The following ZDHHC16 variants were observed in gnomAD, a reference collection of about 807,000 sequenced individuals.
ZDHHC16 encodes the protein palmitoyltransferase ZDHHC16.
Under a neutral mutation model 54.4 loss-of-function variants are expected in ZDHHC16, and 33 were observed. That is an observed-to-expected ratio of 0.61 (90% CI 0.46 to 0.81). The LOEUF is 0.81. ZDHHC16 is among the 30% of genes least tolerant of loss of function. ZDHHC16 has a pLI of 0.00. For missense variants in ZDHHC16, 420 were observed against 485.9 expected, an observed-to-expected ratio of 0.86 and a Z score of 1.28; for synonymous variants, 185 against 182.1, an observed-to-expected ratio of 1.02 and a Z score of -0.13.
Position 97,449,861 on chromosome 10 carries a change from C to CTTTTTTTTTTTTTT in ZDHHC16, c.-185-488_-185-475dup, listed in dbSNP as rs35173837. On this transcript the variant is annotated intron_variant, in intron 1 of 11. Coordinates refer to ENST00000393760, the MANE Select transcript of ZDHHC16 (RefSeq NM_198046.3). ...TCTCTTTTCTACACTCCCCTTAATT[C>CTTTTTTTTTTTTTT]TTTTTTTTTTTTTTTTTTTTTGAGA... 3.1e-4 allele frequency among the ~76,000 whole-genome samples: 25 copies of CTTTTTTTTTTTTTT among 81,532 alleles called. 1 individual carries two copies. Among genetic ancestry groups the CTTTTTTTTTTTTTT allele is most frequent in the African/African-American group, 1.0e-3 (17 of 17,026 alleles). 53.5% of individuals were successfully genotyped at this position (81,532 alleles called of 152,430 possible).
In ZDHHC16 at chr10:97,446,209, C is replaced by A. The variant is rs372008770; in HGVS notation, c.-330C>A. On this transcript the variant is annotated 5_prime_UTR_variant, in exon 1 of 12. Coordinates refer to ENST00000393760, the MANE Select transcript of ZDHHC16 (RefSeq NM_198046.3). ...GATGGGCTGGCGGCGGGTCCGGGTCCGCTGCCTGGCGCTGCGGGCGGCGGG... is the reference window on the plus strand; with the variant it reads ...GATGGGCTGGCGGCGGGTCCGGGTCAGCTGCCTGGCGCTGCGGGCGGCGGG... 17 of 635,740 alleles carry A rather than the reference C, an allele frequency of 2.7e-5. No individual in the cohort carries two copies. The highest frequency in any genetic ancestry group is 5.7e-5 in the Admixed American group (2 of 34,788). 39.4% of individuals were successfully genotyped at this position (635,740 alleles called of 1,614,324 possible). A position where few individuals can be genotyped will look rare whatever the true frequency, so the allele number is the denominator to read the frequency against.
At chr10:97,446,539 G>A (rs549529722) in intron 1 of ZDHHC16, among the ~76,000 whole-genome samples, 186 bp downstream of exon 1, 110 of 152,344 alleles carry the variant, frequency 7.2e-4, no homozygotes, top group Middle Eastern at 6.8e-3. Flanking sequence ...AGGGAAGGAG[G>A]TCAAGCGACC....
At chr10:97,454,018 A>G (rs1482957343) in intron 8 of ZDHHC16, among the ~76,000 whole-genome samples, 172 bp downstream of exon 8, 1 of 152,230 alleles carries the variant, frequency 6.6e-6, no homozygotes, top group Non-Finnish European at 1.5e-5. Context: ...TAAGTGGCCT[A>G]CAGGCAAGCT....
chr10:97,456,118 A>G (rs1847160534), intron 11 of ZDHHC16, 74 bp downstream of exon 11: 1 of 1,491,640 alleles, frequency 6.7e-7, no homozygotes, highest in Admixed American at 1.7e-5. Flanking sequence ...GCCTGTGAGC[A>G]CTTGGAATAT....
At chr10:97,451,545 G>T in intron 2 of ZDHHC16, 126 bp from the exon 3 acceptor site, 1 of 1,332,068 alleles carries the variant, frequency 7.5e-7, no homozygotes. Flanking sequence ...TCTCACAGTT[G>T]GTGACTGGCC....
rs1317923866 is a variant in ZDHHC16, at chr10:97,446,303, G to A, written c.-236G>A. 9 of 486,626 alleles carry A rather than the reference G, an allele frequency of 1.8e-5. No individual in the cohort carries two copies. The highest frequency in any genetic ancestry group is 2.6e-5 in the Non-Finnish European group (7 of 269,580). 30.1% of individuals were successfully genotyped at this position (486,626 alleles called of 1,614,324 possible). ...TCGGAGGGGGTGGCAGTGAGCGGCG[G>A]CAGAGGCTACGGGGCTCGGTTTGGC... On this transcript the variant is annotated 5_prime_UTR_variant, in exon 1 of 12. Transcript: ENST00000393760.
chr10:97,454,233 C>T (rs962980739), intron 8 of ZDHHC16, among the ~76,000 whole-genome samples: 1 of 152,106 alleles, frequency 6.6e-6, no homozygotes. Context: ...TCATCCCTGC[C>T]CCCCCAGTAC....
At chr10:97,453,712 G>A (rs148820234) in intron 7 of ZDHHC16, 49 bp downstream of exon 7, 62 of 1,614,160 alleles carry the variant, frequency 3.8e-5, no homozygotes, top group Middle Eastern at 1.6e-4. Context: ...ACTTCGGGAT[G>A]TAGAACCTGT....
At chr10:97,451,633 G>T in intron 2 of ZDHHC16, 38 bp from the exon 3 acceptor site, 1 of 1,573,138 alleles carries the variant, frequency 6.4e-7, no homozygotes, top group Non-Finnish European at 8.6e-7. Flanking sequence ...AGGGAGGGAG[G>T]GCTCAGACTA....
intron 5 of ZDHHC16, 83 bp from the exon 6 acceptor site, chr10:97,452,812 T>TGCA: frequency 6.3e-7 from 1 of 1,585,742 alleles, no homozygotes; most frequent in Non-Finnish European, 8.7e-7. Flanking sequence ...CTCAGCAGGA[T>TGCA]GCTGGTCCTT....
intron 1 of ZDHHC16, among the ~76,000 whole-genome samples, chr10:97,449,807 G>A (rs1846431127): frequency 6.6e-6 from 1 of 151,754 alleles, no homozygotes; most frequent in Admixed American, 6.6e-5. Context: ...TGGGAGTACA[G>A]GCGTGAGCCA....
chr10:97,451,154 T>C (rs7095266), intron 2 of ZDHHC16: 146,853 of 155,450 alleles, frequency 0.94, 69,551 homozygotes, highest in Non-Finnish European at 0.98. Flanking sequence ...GTACTCATTC[T>C]TCCATTGGCT....
chr10:97,452,780 T>TCC, intron 5 of ZDHHC16, 115 bp from the exon 6 acceptor site: 1 of 1,433,052 alleles, frequency 7.0e-7, no homozygotes. Flanking sequence ...CTGGCTGTCT[T>TCC]CAAAGTCTGT....
chr10:97,454,749 TC>T lies in ZDHHC16; in HGVS notation c.775del (p.Arg259GlufsTer4). On this transcript the variant is annotated frameshift_variant, in exon 9 of 12. Transcript: ENST00000393760. LOFTEE classifies it high-confidence loss of function. ...AGACCCCACCACCCACCTTCTCCTT[TC>T]GAGAAAGGATGACTCACAAGAGTCT... is the stretch of plus-strand genomic sequence containing the variant. ...HQTPPPTFSF[R>X]ERMTHKSLVY... 1 of 1,614,192 alleles carries T rather than the reference TC, an allele frequency of 6.2e-7. No homozygotes were observed. The highest frequency in any genetic ancestry group is 8.5e-7 in the Non-Finnish European group (1 of 1,180,024).
chr10:97,453,672 A>T lies in ZDHHC16; in HGVS notation c.690+9A>T, dbSNP rs1183668936. On this transcript the variant is annotated intron_variant, in intron 7 of 11. Coordinates refer to ENST00000393760, the MANE Select transcript of ZDHHC16 (RefSeq NM_198046.3). ...CTTATGCTGCCATTGAGGTGAGCTC[A>T]TCAGGAACAGGGCAGCTCAGTAGTG... 6.2e-7 allele frequency: 1 copy of T among 1,614,206 alleles called. No homozygotes were observed. Among genetic ancestry groups the T allele is most frequent in the South Asian group, 1.1e-5 (1 of 91,086 alleles).
chr10:97,452,473 C>T lies in ZDHHC16; in HGVS notation c.497C>T (p.Ala166Val). Reference protein sequence around the residue: ...ICKKCIYPKPARTHHCSICNR... With the variant: ...ICKKCIYPKPVRTHHCSICNR... ...AAGAAGTGCATTTACCCCAAGCCAG[C>T]CCGAACACACCACTGCAGCATCTGC... is the stretch of plus-strand genomic sequence containing the variant. Residue 166 changes from alanine to valine, a missense_variant, in exon 5 of 12, where the codon GCC becomes GTC. By Grantham distance (64) the Ala-to-Val change is moderately conservative. Transcript: ENST00000393760. The T allele has an allele frequency of 1.9e-6, 3 of 1,614,222 alleles. No homozygotes were observed. The highest frequency in any genetic ancestry group is 2.5e-6 in the Non-Finnish European group (3 of 1,180,028).
Position 97,456,797 on chromosome 10 carries a change from T to C in ZDHHC16, c.1040T>C (p.Leu347Pro), listed in dbSNP as rs1847310217. The change falls in exon 12 of 12, where the codon CTC (leucine) becomes CCC (proline). Residue 347 changes from leucine to proline, a missense_variant. Physicochemically the swap from Leu to Pro is moderately conservative, Grantham distance 98. Transcript: ENST00000393760. ...DTGRHWLTRV[L>P]LPSSHLPHGN... Reference sequence around the variant, plus strand: ...TCTAGGCACTGGCTTACTCGGGTGCTCTTACCTTCTAGTCACTTGCCCCAT... The same window carrying C: ...TCTAGGCACTGGCTTACTCGGGTGCCCTTACCTTCTAGTCACTTGCCCCAT... The C allele has an allele frequency of 6.2e-7, 1 of 1,613,202 alleles. No individual in the cohort carries two copies.
intron 8 of ZDHHC16, 36 bp downstream of exon 8, chr10:97,453,882 A>T (rs1351431233): frequency 6.2e-7 from 1 of 1,613,850 alleles, no homozygotes; most frequent in Non-Finnish European, 8.5e-7. Context: ...CCTGCTGCTC[A>T]GGCCTGGGGG....
chr10:97,453,236 C>T (rs1040572175), intron 6 of ZDHHC16, among the ~76,000 whole-genome samples: 6 of 152,156 alleles, frequency 3.9e-5, no homozygotes, highest in African/African-American at 1.4e-4. Flanking sequence ...TGCTGTTCCA[C>T]ACAGATGTTT....
Sources: gnomAD v4.1 joint callset for allele counts (sites outside exome capture counted in the v4.1 genomes callset) on GRCh38, gnomAD v4.1.1 for gene constraint, MANE v1.5 for transcripts, NCBI Gene and HGNC (gene_info 2026-07-23, HGNC 2026-07-21) for gene names.